Variants in POU2F3 observed in about 807,000 individuals in gnomAD.
POU2F3 encodes the protein POU class 2 homeobox 3, also known as POU domain, class 2, transcription factor 3.
A neutral mutation model predicts 59.2 loss-of-function variants in POU2F3; 23 were observed. The ratio of observed to expected loss-of-function variants is 0.39; its 90% CI spans 0.28 to 0.55. The LOEUF (loss-of-function observed/expected upper bound fraction) is 0.55. Among genes scored for constraint, POU2F3 ranks in the 20% least tolerant of loss-of-function variants. The pLI is 0.66. For missense variants in POU2F3, 473 were observed against 544.5 expected, an observed-to-expected ratio of 0.87 and a Z score of 1.31; for synonymous variants, 190 against 214.6, an observed-to-expected ratio of 0.89 and a Z score of 1.00.
chr11:120,288,013 T>C (rs896373649), intron 3 of POU2F3, among the ~76,000 whole-genome samples: 4 of 146,306 alleles, frequency 2.7e-5, no homozygotes, highest in African/African-American at 1.0e-4. Flanking sequence ...GAAGCAAGCA[T>C]ACCAACAGAA....
intron 3 of POU2F3, among the ~76,000 whole-genome samples, 194 bp from the exon 4 acceptor site, chr11:120,298,071 G>T (rs1941240290): frequency 6.6e-6 from 1 of 151,656 alleles, no homozygotes; most frequent in African/African-American, 2.4e-5. Flanking sequence ...CACTCACACA[G>T]GCCTCTGCCC....
chr11:120,311,194 AC>A (rs1042941646), intron 10 of POU2F3, among the ~76,000 whole-genome samples: 7 of 152,344 alleles, frequency 4.6e-5, no homozygotes, highest in African/African-American at 1.4e-4. Context: ...GGGATTGTAC[AC>A]AATGCTAAGG....
intron 3 of POU2F3, among the ~76,000 whole-genome samples, chr11:120,297,405 G>T (rs1439314006): frequency 6.6e-6 from 1 of 152,228 alleles, no homozygotes; most frequent in African/African-American, 2.4e-5. Flanking sequence ...TACAGCATTG[G>T]CTGTGAGGGA....
chr11:120,299,386 G>A (rs1436505246), intron 4 of POU2F3, among the ~76,000 whole-genome samples: 1 of 152,184 alleles, frequency 6.6e-6, no homozygotes, highest in Non-Finnish European at 1.5e-5. Context: ...AGGAGGCAAG[G>A]GTTAAGTAAC....
rs1040266707 is a variant in POU2F3 at position 120,318,569 on chromosome 11, T to A, written c.*177T>A. 4.7e-6 allele frequency: 3 copies of A among 632,522 alleles called. No homozygotes were observed. Among genetic ancestry groups the A allele is most frequent in the Non-Finnish European group, 8.3e-6 (3 of 362,136 alleles). The allele number at this position is 632,522 out of a possible 1,614,324, so 39.2% of individuals were successfully genotyped here. On this transcript the variant is annotated 3_prime_UTR_variant, in exon 13 of 13. Coordinates refer to ENST00000543440, the MANE Select transcript of POU2F3 (RefSeq NM_014352.4). ...GGGCCTCCGGAGATCCAAACTGTGATTGAACCAAGTGCAGACTCCTAATGC... is the reference window on the plus strand; with the variant it reads ...GGGCCTCCGGAGATCCAAACTGTGAATGAACCAAGTGCAGACTCCTAATGC...
intron 2 of POU2F3, among the ~76,000 whole-genome samples, chr11:120,259,802 C>G (rs1278477660): frequency 6.6e-6 from 1 of 152,218 alleles, no homozygotes; most frequent in African/African-American, 2.4e-5. Context: ...GTTTACTGTG[C>G]ATTTTCTGGA....
At chr11:120,262,058 C>G (rs1410450993) in intron 2 of POU2F3, among the ~76,000 whole-genome samples, 1 of 152,188 alleles carries the variant, frequency 6.6e-6, no homozygotes, top group Non-Finnish European at 1.5e-5. Flanking sequence ...GTAGGCTAAG[C>G]CTGCTTCACT....
intron 2 of POU2F3, among the ~76,000 whole-genome samples, chr11:120,258,764 G>A (rs1262557942): frequency 6.6e-6 from 1 of 152,152 alleles, no homozygotes; most frequent in African/African-American, 2.4e-5. Context: ...TCTGAAACCT[G>A]GTGCCGTCTG....
chr11:120,292,827 G>A (rs530850367), intron 3 of POU2F3, among the ~76,000 whole-genome samples: 21 of 152,224 alleles, frequency 1.4e-4, no homozygotes, highest in African/African-American at 3.4e-4. Flanking sequence ...AGGGCACAGC[G>A]CCCTCCCAAC....
chr11:120,267,707 T>C (rs1427387315), intron 2 of POU2F3, among the ~76,000 whole-genome samples: 6 of 152,156 alleles, frequency 3.9e-5, no homozygotes, highest in African/African-American at 1.4e-4. Context: ...CTCTTATCCA[T>C]GTTAGGAACT....
intron 6 of POU2F3, among the ~76,000 whole-genome samples, chr11:120,304,495 G>A (rs1208643948): frequency 1.3e-5 from 2 of 152,076 alleles, no homozygotes; most frequent in Non-Finnish European, 2.9e-5. Flanking sequence ...GTAAAATGAG[G>A]CACAAGAGTT....
At position 120,319,878 on chromosome 11, in the gene POU2F3, G is replaced by A. The variant is rs1206799518; in HGVS notation, c.*1486G>A. 2 of 152,308 alleles carry A rather than the reference G, an allele frequency of 1.3e-5. No individual in the cohort carries two copies. Among genetic ancestry groups the A allele is most frequent in the African/African-American group, 4.8e-5 (2 of 41,334 alleles). The allele number at this position is 152,308 out of a possible 1,614,324, so 9.4% of individuals were successfully genotyped here. ...TAAAAAAAAAAAGACTACATGTCTA[G>A]GAAACTGTTGAGATTCAAAGGAATC... On this transcript the variant is annotated 3_prime_UTR_variant, in exon 13 of 13. Transcript: ENST00000543440.
chr11:120,297,936 A>ATTTTTT (rs1335660134), intron 3 of POU2F3, among the ~76,000 whole-genome samples: 1 of 113,836 alleles, frequency 8.8e-6, no homozygotes, highest in African/African-American at 3.1e-5. Flanking sequence ...ATGCCTGGCT[A>ATTTTTT]TTTTTTTTTT....
chr11:120,251,332 G>A (rs751551900), intron 2 of POU2F3, among the ~76,000 whole-genome samples: 1 of 152,214 alleles, frequency 6.6e-6, no homozygotes, highest in East Asian at 1.9e-4. Context: ...ACACACACAC[G>A]CACACACACT....
chr11:120,252,310 G>T (rs565862579), intron 2 of POU2F3, among the ~76,000 whole-genome samples: 1 of 149,650 alleles, frequency 6.7e-6, no homozygotes, highest in African/African-American at 2.5e-5. Flanking sequence ...AGGTTTAAGC[G>T]ATTCTCCTGC....
In POU2F3 at chr11:120,307,467, G is replaced by A. The variant is rs770577698; in HGVS notation, c.770-12G>A. 5.3e-5 allele frequency: 86 copies of A among 1,613,486 alleles called. No homozygotes were observed. Among genetic ancestry groups the A allele is most frequent in the African/African-American group, 2.7e-4 (20 of 74,908 alleles). ...TTCTCTGAGCTTCCTCTGGTCCTTC[G>A]TGTCCCTGCAGAGTCCTCTCCGTCA... On this transcript the variant is annotated splice_polypyrimidine_tract_variant and intron_variant, in intron 8 of 12. Coordinates refer to ENST00000543440, the MANE Select transcript of POU2F3 (RefSeq NM_014352.4).
At chr11:120,305,326 T>A in intron 7 of POU2F3, 114 bp downstream of exon 7, 1 of 1,237,656 alleles carries the variant, frequency 8.1e-7, no homozygotes, top group South Asian at 1.6e-5. Flanking sequence ...GGTCTCCTCA[T>A]CATGTCCCTG....
At chr11:120,250,633 G>T (rs905340512) in intron 2 of POU2F3, among the ~76,000 whole-genome samples, 5 of 152,166 alleles carry the variant, frequency 3.3e-5, no homozygotes. Flanking sequence ...AAAGATGGTG[G>T]TAGGAAGACT....
chr11:120,269,336 G>A (rs1939965153), intron 3 of POU2F3, 92 bp downstream of exon 3: 1 of 1,094,292 alleles, frequency 9.1e-7, no homozygotes, highest in Admixed American at 2.0e-5. Flanking sequence ...ATTAAGTACA[G>A]TTTGGGGGTG....
Sources: allele counts gnomAD v4.1 joint callset (sites outside exome capture counted in the v4.1 genomes callset), GRCh38; gene constraint gnomAD v4.1.1; transcripts MANE v1.5; gene names NCBI Gene and HGNC (gene_info 2026-07-23, HGNC 2026-07-21).